The following TRA2B variants were observed in gnomAD, a reference collection of about 807,000 sequenced individuals.
TRA2B encodes transformer-2 protein homolog beta.
A neutral mutation model predicts 41.7 loss-of-function variants in TRA2B; 14 were observed. The ratio of observed to expected loss-of-function variants is 0.34; its 90% CI spans 0.22 to 0.53. TRA2B has a LOEUF of 0.53. Among genes scored for constraint, TRA2B ranks in the 20% least tolerant of loss-of-function variants. The probability of loss-of-function intolerance (pLI) is 0.95; values close to 1 mark genes in which losing one functional copy is unlikely to be tolerated. For synonymous variants in TRA2B, 130 were observed against 128.8 expected (o/e 1.01, Z -0.06); for missense variants, 167 against 396.8 (o/e 0.42, Z 4.92).
In TRA2B at chr3:185,916,311, T is replaced by C. The variant is rs1743497783; in HGVS notation, c.*1404A>G. The C allele has an allele frequency of 6.6e-6, 1 of 152,210 alleles. No homozygotes were observed. The highest frequency in any genetic ancestry group is 1.5e-5 in the Non-Finnish European group (1 of 68,032). The allele number at this position is 152,210 out of a possible 1,614,324, so 9.4% of individuals were successfully genotyped here. On this transcript the variant is annotated 3_prime_UTR_variant, in exon 9 of 9. Transcript: ENST00000453386. The stretch of plus-strand genomic sequence containing the variant: ...CGTGGCATTGCCACTTAAACAGCTA[T>C]TTGAACTAAGGTAAGTTACTCTACA...
intron 1 of TRA2B, chr3:185,937,062 CA>C: frequency 1.0e-6 from 1 of 985,414 alleles, no homozygotes; most frequent in Non-Finnish European, 1.2e-6. Context: ...GCGATGTCCA[CA>C]AAATCATCTT....
At chr3:185,924,013 G>C in intron 3 of TRA2B, 29 bp from the exon 4 acceptor site, 2 of 1,571,706 alleles carry the variant, frequency 1.3e-6, no homozygotes, top group South Asian at 2.4e-5. Context: ...TTTAAACTTT[G>C]GAAAAGTTGT....
chr3:185,919,171 C>CA (rs34657946), intron 7 of TRA2B, among the ~76,000 whole-genome samples: 2 of 139,794 alleles, frequency 1.4e-5, no homozygotes, highest in African/African-American at 5.5e-5. Flanking sequence ...AACATAATGA[C>CA]AAAAAAAATG....
chr3:185,921,858 T>TA (rs1743752258), intron 5 of TRA2B, among the ~76,000 whole-genome samples, 153 bp downstream of exon 5: 1 of 152,240 alleles, frequency 6.6e-6, no homozygotes, highest in Non-Finnish European at 1.5e-5. Flanking sequence ...GTTGAACTTC[T>TA]ACTATGAGAA....
In TRA2B at chr3:185,917,600, TA is replaced by T. The variant is rs1399128616; in HGVS notation, c.*114del. The T allele has an allele frequency of 3.5e-6, 4 of 1,131,580 alleles. No homozygotes were observed. The highest frequency in any genetic ancestry group is 5.2e-6 in the Non-Finnish European group (4 of 776,478). 70.1% of individuals were successfully genotyped at this position (1,131,580 alleles called of 1,614,324 possible). Reference sequence around the variant, plus strand: ...CCAAAAGTAGTCATCGTAAAAGGTGTAAAAGTCACCTAACTTCACTAGGCAC... The same window carrying T: ...CCAAAAGTAGTCATCGTAAAAGGTGTAAAGTCACCTAACTTCACTAGGCAC... On this transcript the variant is annotated 3_prime_UTR_variant, in exon 9 of 9. Transcript: ENST00000453386.
chr3:185,934,315 C>G (rs1395304064), intron 1 of TRA2B: 1 of 984,864 alleles, frequency 1.0e-6, no homozygotes, highest in Non-Finnish European at 1.2e-6. Flanking sequence ...CACCTACGTT[C>G]GGATTTTATT....
intron 4 of TRA2B, 105 bp from the exon 5 acceptor site, chr3:185,922,231 T>A: frequency 1.4e-6 from 1 of 695,072 alleles, no homozygotes; most frequent in Non-Finnish European, 2.4e-6. Flanking sequence ...GTGCATTAAG[T>A]TATCTTAATG....
intron 3 of TRA2B, chr3:185,925,218 G>GT (rs151244641): frequency 0.11 from 33,729 of 318,698 alleles, 3 homozygotes; most frequent in South Asian, 0.17. Context: ...GCAGTCGGAA[G>GT]TTTTTTTTTT....
chr3:185,934,096 A>C (rs900625748), intron 1 of TRA2B, among the ~76,000 whole-genome samples: 1 of 152,170 alleles, frequency 6.6e-6, no homozygotes, highest in African/African-American at 2.4e-5. Flanking sequence ...AGTGATTTCA[A>C]TATCTAATTC....
chr3:185,936,379 G>C, intron 1 of TRA2B: 2 of 985,236 alleles, frequency 2.0e-6, no homozygotes, highest in Non-Finnish European at 2.4e-6. Flanking sequence ...TAAAACACTC[G>C]TGACATTGGA....
At position 185,925,659 on chromosome 3, in the gene TRA2B, G is replaced by A. The variant is rs554688402; in HGVS notation, c.171-33C>T. On this transcript the variant is annotated intron_variant, in intron 2 of 8. Coordinates refer to ENST00000453386, the MANE Select transcript of TRA2B (RefSeq NM_004593.3). The stretch of plus-strand genomic sequence containing the variant: ...ACAAAGACCTCCTAAGGTTATGACT[G>A]AAAACAAATATTGTCTTCTTTATTA... 2.1e-4 allele frequency: 340 copies of A among 1,585,524 alleles called. 3 individuals are homozygous for A. In the South Asian group the frequency reaches 3.6e-3, roughly 17 times the overall value.
At chr3:185,932,507 T>C (rs888957568) in intron 1 of TRA2B, among the ~76,000 whole-genome samples, 23 of 152,196 alleles carry the variant, frequency 1.5e-4, no homozygotes, top group African/African-American at 5.6e-4. Context: ...ACCTACAATA[T>C]GCCAGTAGCT....
Position 185,917,169 on chromosome 3 carries a change from C to G in TRA2B, c.*546G>C, listed in dbSNP as rs1743531275. 1 of 152,384 alleles carries G rather than the reference C, an allele frequency of 6.6e-6. No homozygotes were observed. Among genetic ancestry groups the G allele is most frequent in the Non-Finnish European group, 1.5e-5 (1 of 68,194 alleles). 9.4% of individuals were successfully genotyped at this position (152,384 alleles called of 1,614,324 possible). On this transcript the variant is annotated 3_prime_UTR_variant, in exon 9 of 9. Coordinates refer to ENST00000453386, the MANE Select transcript of TRA2B (RefSeq NM_004593.3). The stretch of plus-strand genomic sequence containing the variant: ...TATTTTAAGATTTTTAGTTCTAATA[C>G]TAGCAGTACAGAGTTACAGAGCATA...
At chr3:185,920,466 A>G (rs1560562699) in intron 6 of TRA2B, among the ~76,000 whole-genome samples, 1 of 152,124 alleles carries the variant, frequency 6.6e-6, no homozygotes, top group Non-Finnish European at 1.5e-5. Flanking sequence ...TTTTTTGTGG[A>G]GGTTCCCTAT....
chr3:185,927,680 G>C (rs1432783324), intron 1 of TRA2B: 2 of 152,180 alleles, frequency 1.3e-5, no homozygotes, highest in African/African-American at 2.4e-5. Flanking sequence ...GCAGGTTAAG[G>C]GGGGATTTGT....
At chr3:185,930,465 A>C (rs1476480822) in intron 1 of TRA2B, among the ~76,000 whole-genome samples, 2 of 152,196 alleles carry the variant, frequency 1.3e-5, no homozygotes, top group Non-Finnish European at 2.9e-5. Flanking sequence ...ATTCTCCAAG[A>C]AATGCCATTT....
At chr3:185,935,924 TA>T in intron 1 of TRA2B, 2 of 985,414 alleles carry the variant, frequency 2.0e-6, no homozygotes, top group South Asian at 9.4e-5. Flanking sequence ...TTTAACACAT[TA>T]AGTTAACCTC....
chr3:185,928,236 G>A (rs1024760535), intron 1 of TRA2B: 2 of 152,154 alleles, frequency 1.3e-5, no homozygotes, highest in Non-Finnish European at 2.9e-5. Flanking sequence ...TAAGGTTTGA[G>A]GTTTAACACA....
Position 185,925,521 on chromosome 3 carries a change from T to C in TRA2B, c.276A>G (p.Arg92=), listed in dbSNP as rs375480141. 3 of 1,614,180 alleles carry C rather than the reference T, an allele frequency of 1.9e-6. No homozygotes were observed. Among genetic ancestry groups the C allele is most frequent in the African/African-American group, 2.7e-5 (2 of 75,046 alleles). Residue 92 remains arginine, a synonymous_variant, in exon 3 of 9, where the codon AGA becomes AGG. Transcript: ENST00000453386. ...TGGGAGAATGGCTGTGGCTGTGCCG[T>C]CTACGATAATCTCGACTGTAAGACC... ...RSRSYSRDYR[R]RHSHSHSPMS...
Sources: allele counts gnomAD v4.1 joint callset (sites outside exome capture counted in the v4.1 genomes callset), GRCh38; gene constraint gnomAD v4.1.1; transcripts MANE v1.5; gene names NCBI Gene and HGNC (gene_info 2026-07-23, HGNC 2026-07-21).